The following HK1 variants were observed in gnomAD, a reference collection of about 807,000 sequenced individuals.
HK1 encodes hexokinase-1.
Under a neutral mutation model 91.6 loss-of-function variants are expected in HK1, and 28 were observed. The ratio of observed to expected loss-of-function variants is 0.31; its 90% CI spans 0.23 to 0.42. HK1 has a LOEUF of 0.42. HK1 is among the 10% of genes least tolerant of loss of function. The pLI, the probability that HK1 is intolerant of heterozygous loss-of-function variation, is 1.00. For synonymous variants in HK1, 430 were observed against 468.1 expected (o/e 0.92, Z 1.05); for missense variants, 770 against 1,219.8 (o/e 0.63, Z 5.49).
At chr10:69,272,295 T>C (rs1844210111) in intron 1 of HK1, among the ~76,000 whole-genome samples, 2 of 152,226 alleles carry the variant, frequency 1.3e-5, no homozygotes, top group Admixed American at 1.3e-4. Flanking sequence ...ATTTGTATTT[T>C]TTTCCCACAG....
Position 69,360,054 on chromosome 10 carries a change from C to T in HK1, c.375+9C>T, listed in dbSNP as rs1218335506. 2 of 1,613,618 alleles carry T rather than the reference C, an allele frequency of 1.2e-6. No homozygotes were observed. Among genetic ancestry groups the T allele is most frequent in the East Asian group, 2.2e-5 (1 of 44,888 alleles). On this transcript the variant is annotated intron_variant, in intron 3 of 17. Coordinates refer to ENST00000359426, the MANE Select transcript of HK1 (RefSeq NM_000188.3). ...ACGGCAGTGGAAGCCAGGTGGGTCC[C>T]TGCTCCCTCCGGGTCACCCCGTCGG...
chr10:69,312,471 T>C (rs977370740), upstream of HK1, among the ~76,000 whole-genome samples: 24 of 152,024 alleles, frequency 1.6e-4, no homozygotes, highest in African/African-American at 5.3e-4. Context: ...ACTCCTGACC[T>C]CAAGTGATCC....
chr10:69,338,821 G>C, intron 1 of HK1: 41 of 636,662 alleles, frequency 6.4e-5, no homozygotes, highest in Non-Finnish European at 8.5e-5. Flanking sequence ...AAGGAAGGAG[G>C]AGAGTAAAGA....
At position 69,392,320 on chromosome 10, in the gene HK1, T is replaced by C. The variant is rs1399454741; in HGVS notation, c.2219+12T>C. ...GCTGGGAAACAAAGGTAACCCCGCC[T>C]GGTGGAGAGGACACTCACAGTCAGG... On this transcript the variant is annotated intron_variant, in intron 15 of 17. Transcript: ENST00000359426. 2 of 1,614,120 alleles carry C rather than the reference T, an allele frequency of 1.2e-6. No homozygotes were observed.
chr10:69,390,780 A>G (rs1839863258), intron 14 of HK1, among the ~76,000 whole-genome samples: 1 of 152,216 alleles, frequency 6.6e-6, no homozygotes, highest in African/African-American at 2.4e-5. Flanking sequence ...GCAGGCTCTC[A>G]GGTCCTGGCC....
At chr10:69,299,624 A>G (rs1845749277) in intron 4 of HK1, among the ~76,000 whole-genome samples, 1 of 149,884 alleles carries the variant, frequency 6.7e-6, no homozygotes, top group Non-Finnish European at 1.5e-5. Flanking sequence ...TCGGCCTCCC[A>G]AAGTGCTGAG....
intron 8 of HK1, 138 bp from the exon 9 acceptor site, chr10:69,379,724 C>T (rs555250254): frequency 2.7e-6 from 2 of 751,178 alleles, no homozygotes; most frequent in Non-Finnish European, 4.8e-6. Context: ...AGGCATTTGA[C>T]AGTCTTCATC....
intron 5 of HK1, among the ~76,000 whole-genome samples, chr10:69,301,704 GAA>G (rs1367507864): frequency 6.6e-6 from 1 of 151,522 alleles, no homozygotes; most frequent in Non-Finnish European, 1.5e-5. Context: ...ATTGTTGAAA[GAA>G]AATAAAGAAG....
intron 2 of HK1, among the ~76,000 whole-genome samples, chr10:69,287,126 G>A (rs1469228872): frequency 2.6e-5 from 4 of 152,128 alleles, no homozygotes; most frequent in African/African-American, 7.2e-5. Context: ...AGAAATGCCC[G>A]AGACTGGGTA....
At chr10:69,342,183 A>AAACG (rs1333025067) in intron 1 of HK1, among the ~76,000 whole-genome samples, 5 of 151,222 alleles carry the variant, frequency 3.3e-5, no homozygotes, top group African/African-American at 9.7e-5. Context: ...ACAAACAAAC[A>AAACG]AACAAACAAA....
intron 14 of HK1, among the ~76,000 whole-genome samples, chr10:69,390,417 A>G (rs578249944): frequency 5.3e-5 from 8 of 152,074 alleles, no homozygotes; most frequent in East Asian, 1.9e-4. Flanking sequence ...TCCTCCATCA[A>G]TTGATCTCTT....
At chr10:69,316,016 T>TG (rs988186590), upstream of HK1, 4 of 1,612,866 alleles carry the variant, frequency 2.5e-6, no homozygotes, top group Non-Finnish European at 2.5e-6. Flanking sequence ...GAGATTGGGG[T>TG]GAGTAGCTGT....
In HK1 at chr10:69,380,615, T is replaced by C. The variant is rs1322144364; in HGVS notation, c.1265+520T>C. Among the ~76,000 whole-genome samples, 4 of 152,186 alleles carry C rather than the reference T, an allele frequency of 2.6e-5. No individual in the cohort carries two copies. Among genetic ancestry groups the C allele is most frequent in the Admixed American group, 2.6e-4 (4 of 15,272 alleles). On this transcript the variant is annotated intron_variant, in intron 9 of 17. Transcript: ENST00000359426. The surrounding 1 kb of genome is among the most constrained non-coding windows in gnomAD (Gnocchi z 4.0). The stretch of plus-strand genomic sequence containing the variant: ...AACCCCCCAAACCCTCAGACTTTAC[T>C]TTTTTAAATGGGCAGCTTGTCTGTG...
chr10:69,394,241 C>G (rs1488528522), intron 15 of HK1, among the ~76,000 whole-genome samples: 2 of 152,218 alleles, frequency 1.3e-5, no homozygotes, highest in Non-Finnish European at 2.9e-5. Flanking sequence ...AATTTGAAGT[C>G]CCAAGAACAG....
rs113533797 is a variant in HK1, at chr10:69,348,840, T to C, written c.226+4851T>C. Among the ~76,000 whole-genome samples the C allele has an allele frequency of 5.9e-5, 9 of 151,898 alleles. 1 individual carries two copies. Among genetic ancestry groups the C allele is most frequent in the African/African-American group, 2.2e-4 (9 of 41,454 alleles). On this transcript the variant is annotated intron_variant, in intron 2 of 17. Coordinates refer to ENST00000359426, the MANE Select transcript of HK1 (RefSeq NM_000188.3). ...AAAAAGAAGAATCAATTCATTGAGCTGGACTCAGGCAGGCATTTCCCGCAG... is the reference window on the plus strand; with the variant it reads ...AAAAAGAAGAATCAATTCATTGAGCCGGACTCAGGCAGGCATTTCCCGCAG...
At chr10:69,295,039 G>A (rs1292897865) in intron 3 of HK1, among the ~76,000 whole-genome samples, 1 of 129,696 alleles carries the variant, frequency 7.7e-6, no homozygotes, top group Non-Finnish European at 1.7e-5. Context: ...GAGAGAGAAA[G>A]AGAGACCCTG....
At chr10:69,309,495 TAAAAA>T (rs1177161842) in intron 5 of HK1, among the ~76,000 whole-genome samples, 8 of 46,984 alleles carry the variant, frequency 1.7e-4, no homozygotes, top group African/African-American at 2.4e-4. Flanking sequence ...TTTGTCTCAT[TAAAAA>T]AAAAAAAAAA....
intron 2 of HK1, among the ~76,000 whole-genome samples, chr10:69,351,211 A>G (rs528825133): frequency 8.2e-6 from 1 of 122,422 alleles, no homozygotes; most frequent in African/African-American, 4.0e-5. Flanking sequence ...AAATAAATAA[A>G]TAAAACCAAA....
At chr10:69,285,788 G>C (rs911627416) in intron 2 of HK1, among the ~76,000 whole-genome samples, 11 of 152,196 alleles carry the variant, frequency 7.2e-5, no homozygotes, top group African/African-American at 2.7e-4. Context: ...TGGTGGGCTG[G>C]TGGAAACACC....
Sources: gnomAD v4.1 joint callset for allele counts (sites outside exome capture counted in the v4.1 genomes callset) on GRCh38, gnomAD v4.1.1 for gene constraint, Gnocchi (gnomAD v3.1) non-coding constraint, MANE v1.5 for transcripts, NCBI Gene and HGNC (gene_info 2026-07-23, HGNC 2026-07-21) for gene names.